ASIC2: variants seen among roughly 807,000 people sequenced by gnomAD.
The protein encoded by ASIC2 is acid-sensing ion channel 2.
Under a neutral mutation model 57.3 loss-of-function variants are expected in ASIC2, and 25 were observed. That is an observed-to-expected ratio of 0.44 (90% CI 0.32 to 0.61). The LOEUF (loss-of-function observed/expected upper bound fraction) is 0.61. Among genes scored for constraint, ASIC2 ranks in the 20% least tolerant of loss-of-function variants. The pLI, the probability that ASIC2 is intolerant of heterozygous loss-of-function variation, is 0.06. For missense variants in ASIC2, 641 were observed against 738.1 expected (o/e 0.87, Z 1.52); for synonymous variants, 319 against 307.5 (o/e 1.04, Z -0.39).
At chr17:33,352,331 G>A (rs1167418149) in intron 1 of ASIC2, among the ~76,000 whole-genome samples, 1 of 152,056 alleles carries the variant, frequency 6.6e-6, no homozygotes, top group African/African-American at 2.4e-5. Context: ...AGATATCTCA[G>A]AAGTGCCCAG....
intron 1 of ASIC2, among the ~76,000 whole-genome samples, chr17:33,452,999 G>A (rs554007697): frequency 1.1e-4 from 17 of 152,172 alleles, no homozygotes; most frequent in Admixed American, 9.8e-4. Context: ...TTCCGCACAG[G>A]CACTGAGATT....
intron 1 of ASIC2, among the ~76,000 whole-genome samples, chr17:34,012,886 T>A (rs899191952): frequency 1.6e-4 from 24 of 152,094 alleles, no homozygotes; most frequent in Admixed American, 1.3e-3. Flanking sequence ...CTAGTGTGGG[T>A]TCCTGGTGAC....
Position 33,691,900 on chromosome 17 carries a change from C to T in ASIC2, c.555+464078G>A, listed in dbSNP as rs140940219. Among the ~76,000 whole-genome samples the T allele has an allele frequency of 2.1e-3, 314 of 152,144 alleles. 2 individuals are homozygous for T. Among genetic ancestry groups the T allele is most frequent in the African/African-American group, 7.2e-3 (298 of 41,510 alleles). On this transcript the variant is annotated intron_variant, in intron 1 of 9. Transcript: ENST00000359872. ...CAGGGATACATTCTGAGAAACACAT[C>T]GTTGGGTGATTTTGTCATTGTGATA...
intron 1 of ASIC2, among the ~76,000 whole-genome samples, chr17:34,056,966 G>C (rs1398327507): frequency 6.6e-6 from 1 of 152,218 alleles, no homozygotes. Flanking sequence ...AAATGTCAAA[G>C]AGTGGATTAG....
At chr17:34,126,127 T>G (rs1167487174) in intron 1 of ASIC2, among the ~76,000 whole-genome samples, 1 of 152,116 alleles carries the variant, frequency 6.6e-6, no homozygotes, top group African/African-American at 2.4e-5. Context: ...GAGGACCCAG[T>G]GGAGGACTGA....
chr17:33,254,488 G>A (rs563997989), intron 1 of ASIC2, among the ~76,000 whole-genome samples: 8 of 152,190 alleles, frequency 5.3e-5, no homozygotes, highest in Admixed American at 3.9e-4. Flanking sequence ...GGCTAGCACC[G>A]TCAAGCCTCA....
At chr17:33,607,848 T>C (rs2142013572) in intron 1 of ASIC2, among the ~76,000 whole-genome samples, 1 of 152,196 alleles carries the variant, frequency 6.6e-6, no homozygotes, top group African/African-American at 2.4e-5. Context: ...ATCAGGAGTG[T>C]CCCTGGGACT....
chr17:33,378,590 A>G (rs931796), intron 1 of ASIC2, among the ~76,000 whole-genome samples: 143,571 of 152,308 alleles, frequency 0.94, 67,822 homozygotes, highest in East Asian at 0.99. Flanking sequence ...TCAAGAAGTA[A>G]GGTGGTCAAA....
intron 1 of ASIC2, among the ~76,000 whole-genome samples, chr17:33,625,879 G>T (rs12951322): frequency 9.9e-5 from 15 of 151,956 alleles, no homozygotes; most frequent in Non-Finnish European, 1.6e-4. Context: ...AGATTTGGAG[G>T]TGCAGGTGGA....
intron 1 of ASIC2, among the ~76,000 whole-genome samples, chr17:33,191,363 C>G (rs1052950211): frequency 2.0e-5 from 3 of 152,046 alleles, no homozygotes; most frequent in Non-Finnish European, 4.4e-5. Context: ...ACATGGGGAA[C>G]CTTTGTTGGG....
Position 33,812,625 on chromosome 17 carries a change from T to C in ASIC2, c.555+343353A>G, listed in dbSNP as rs535280624. On this transcript the variant is annotated intron_variant, in intron 1 of 9. Transcript: ENST00000359872. ...CTGGGCAGAGAGGACCTGACCCAGC[T>C]CCTTTAAGACTTCTGGGGCTCTAGA... 2.6e-5 allele frequency among the ~76,000 whole-genome samples: 4 copies of C among 152,216 alleles called. No homozygotes were observed. In the South Asian group the frequency reaches 8.3e-4, roughly 32 times the overall value.
At chr17:33,120,682 G>A (rs1421993422) in intron 1 of ASIC2, among the ~76,000 whole-genome samples, 2 of 152,220 alleles carry the variant, frequency 1.3e-5, no homozygotes, top group African/African-American at 4.8e-5. Context: ...GCTGGTTGGG[G>A]GAAGAAGGTT....
In ASIC2 at chr17:33,469,351, T is replaced by C. The variant is rs118002812; in HGVS notation, c.556-357284A>G. Among the ~76,000 whole-genome samples the C allele has an allele frequency of 5.2e-4, 79 of 152,252 alleles. No homozygotes were observed. In the East Asian group the frequency reaches 0.013, roughly 25 times the overall value. On this transcript the variant is annotated intron_variant, in intron 1 of 9. Coordinates refer to the ASIC2 transcript ENST00000359872. ...GCAGAGACCATGAGGAATGGGGCAG[T>C]AGGCAGGGGTCCTGACCTGGCCTGT...
intron 1 of ASIC2, among the ~76,000 whole-genome samples, chr17:33,410,395 G>A (rs921540461): frequency 6.6e-6 from 1 of 152,222 alleles, no homozygotes; most frequent in Non-Finnish European, 1.5e-5. Flanking sequence ...TCAATTGCAA[G>A]AAACCTATCT....
intron 1 of ASIC2, among the ~76,000 whole-genome samples, chr17:33,797,269 C>A (rs1457308323): frequency 6.6e-6 from 1 of 152,116 alleles, no homozygotes; most frequent in African/African-American, 2.4e-5. Flanking sequence ...AGTGGACCCT[C>A]CAGGCAGAAG....
At chr17:33,040,902 G>T (rs1362302184) in intron 3 of ASIC2, among the ~76,000 whole-genome samples, 1 of 152,170 alleles carries the variant, frequency 6.6e-6, no homozygotes, top group African/African-American at 2.4e-5. Flanking sequence ...GCCTCAGAAA[G>T]GCTTTTGTTA....
intron 1 of ASIC2, among the ~76,000 whole-genome samples, chr17:33,163,458 C>A (rs1203974899): frequency 6.6e-6 from 1 of 151,824 alleles, no homozygotes; most frequent in Admixed American, 6.6e-5. Flanking sequence ...TGAGGCTGAC[C>A]CCTTACCCAA....
chr17:33,676,245 A>G (rs1459081334), intron 1 of ASIC2, among the ~76,000 whole-genome samples: 2 of 152,208 alleles, frequency 1.3e-5, no homozygotes, highest in African/African-American at 4.8e-5. Context: ...AATTAGGCCA[A>G]TTAATAACCC....
Position 33,448,301 on chromosome 17 carries a change from T to C in ASIC2, c.556-336234A>G, listed in dbSNP as rs990610456. 4.6e-5 allele frequency among the ~76,000 whole-genome samples: 7 copies of C among 152,340 alleles called. No individual in the cohort carries two copies. The East Asian group carries it at 1.4e-3, about 29-fold the overall frequency. On this transcript the variant is annotated intron_variant, in intron 1 of 9. Coordinates refer to the ASIC2 transcript ENST00000359872. ...GCTACCTTCATTAGAATGTGAATACTTGACGGCTGTTTAGTGGGCTGAATG... is the reference window on the plus strand; with the variant it reads ...GCTACCTTCATTAGAATGTGAATACCTGACGGCTGTTTAGTGGGCTGAATG...
Sources: allele counts gnomAD v4.1 joint callset (sites outside exome capture counted in the v4.1 genomes callset), GRCh38; gene constraint gnomAD v4.1.1; transcripts MANE v1.5; gene names NCBI Gene and HGNC (gene_info 2026-07-23, HGNC 2026-07-21).